STXBP5L: variants seen among roughly 807,000 people sequenced by gnomAD.
The protein encoded by STXBP5L is syntaxin binding protein 5L.
A neutral mutation model predicts 144.5 loss-of-function variants in STXBP5L; 65 were observed. The observed-to-expected ratio is 0.45, with a 90% CI of 0.37 to 0.55. The LOEUF is 0.55. STXBP5L is among the 20% of genes least tolerant of loss of function. The probability of loss-of-function intolerance (pLI) is 0.00; values close to 1 mark genes in which losing one functional copy is unlikely to be tolerated. For synonymous variants in STXBP5L, 505 were observed against 469.6 expected (o/e 1.08, Z -0.97); for missense variants, 1,298 against 1,405.5 (o/e 0.92, Z 1.22).
At chr3:121,099,467 G>C (rs1421852807) in intron 5 of STXBP5L, 1 of 152,252 alleles carries the variant, frequency 6.6e-6, no homozygotes, top group Non-Finnish European at 1.5e-5. Flanking sequence ...GTGATTGTAA[G>C]AATTGTAGAG....
At chr3:120,972,491 G>A (rs1000573801) in intron 3 of STXBP5L, among the ~76,000 whole-genome samples, 4 of 151,988 alleles carry the variant, frequency 2.6e-5, no homozygotes, top group Non-Finnish European at 4.4e-5. Flanking sequence ...GGGTTTTGTA[G>A]ATATAAGAAT....
rs769056263 is a variant in STXBP5L, at chr3:121,045,521, A to G, written c.456A>G (p.Lys152=). 4.3e-6 allele frequency: 7 copies of G among 1,612,124 alleles called. No homozygotes were observed. The highest frequency in any genetic ancestry group is 5.1e-6 in the Non-Finnish European group (6 of 1,179,072). ...QKRPAILHSL[K]FNRERITYCH... is the part of the protein sequence containing the mutation. ...GGCCAGCCATACTCCATTCTCTTAA[A>G]TTTAACCGGGAACGGTAAGAACCTA... The change falls in exon 5 of 27, where the codon AAA becomes AAG. Residue 152 remains lysine (K), a synonymous_variant. Transcript: ENST00000471454.
At chr3:121,087,003 CT>C (rs1317391670) in intron 5 of STXBP5L, among the ~76,000 whole-genome samples, 2 of 151,890 alleles carry the variant, frequency 1.3e-5, no homozygotes, top group African/African-American at 2.4e-5. Flanking sequence ...TTGTATCTTT[CT>C]TTTACTGATT....
At chr3:121,105,559 C>T (rs958705073) in intron 5 of STXBP5L, among the ~76,000 whole-genome samples, 3 of 151,940 alleles carry the variant, frequency 2.0e-5, no homozygotes, top group Non-Finnish European at 4.4e-5. Context: ...AAAGAATAGG[C>T]GTTGGCGTGG....
chr3:121,407,695 AAG>A (rs2047026271), intron 23 of STXBP5L, 92 bp downstream of exon 23: 1 of 1,486,696 alleles, frequency 6.7e-7, no homozygotes, highest in South Asian at 1.3e-5. Flanking sequence ...AGATGTTATC[AAG>A]AAGCAAACTG....
rs930750266 is a variant in STXBP5L, at chr3:121,180,177, G to C, written c.877+22550G>C. Among the ~76,000 whole-genome samples, 5 of 152,280 alleles carry C rather than the reference G, an allele frequency of 3.3e-5. No homozygotes were observed. The South Asian group carries it at 8.3e-4, about 25-fold the overall frequency. On this transcript the variant is annotated intron_variant, in intron 9 of 26. Transcript: ENST00000471454. ...CAAGATGAAGGAAAGAATCTTGAGA[G>C]CTGTGAGACAAAAGTATCAGGTAAC...
At chr3:121,005,351 A>T (rs192670884) in intron 3 of STXBP5L, among the ~76,000 whole-genome samples, 6 of 152,304 alleles carry the variant, frequency 3.9e-5, no homozygotes, top group Non-Finnish European at 7.3e-5. Context: ...TGGTGTTTAT[A>T]GTATTCTCTG....
chr3:121,227,151 T>C (rs2049147011), intron 11 of STXBP5L, among the ~76,000 whole-genome samples: 2 of 152,200 alleles, frequency 1.3e-5, no homozygotes, highest in Non-Finnish European at 2.9e-5. Flanking sequence ...TCCACCTTTG[T>C]TCAATAGAGG....
At chr3:120,939,593 AAGTGTGT>A (rs1212062194) in intron 2 of STXBP5L, among the ~76,000 whole-genome samples, 2 of 152,178 alleles carry the variant, frequency 1.3e-5, no homozygotes, top group African/African-American at 2.4e-5. Context: ...TTTGAAATGC[AAGTGTGT>A]AGCTCATGAG....
chr3:121,407,242 G>A lies in STXBP5L; in HGVS notation c.2588-1G>A. On this transcript the variant is annotated splice_acceptor_variant, in intron 22 of 26. Coordinates refer to ENST00000471454, the MANE Select transcript of STXBP5L (RefSeq NM_001308330.2). LOFTEE classifies it high-confidence loss of function. ...TCAGTGATGTCCAATTGTTTTTATA[G>A]GTACATTCCTCTCATTGAAAGGAGC... The A allele has an allele frequency of 6.5e-7, 1 of 1,544,410 alleles. No homozygotes were observed. The highest frequency in any genetic ancestry group is 8.7e-7 in the Non-Finnish European group (1 of 1,149,326).
chr3:121,119,133 A>G (rs1011175632), intron 6 of STXBP5L, among the ~76,000 whole-genome samples: 1 of 151,498 alleles, frequency 6.6e-6, no homozygotes, highest in Admixed American at 6.6e-5. Context: ...GAGCATTTAA[A>G]TATGCTCTGA....
At chr3:121,214,382 T>A (rs1304467235) in intron 10 of STXBP5L, among the ~76,000 whole-genome samples, 1 of 152,202 alleles carries the variant, frequency 6.6e-6, no homozygotes, top group Non-Finnish European at 1.5e-5. Flanking sequence ...GATTTAGCTG[T>A]GTCCCAGAGA....
At chr3:120,970,369 T>C (rs544730102) in intron 3 of STXBP5L, among the ~76,000 whole-genome samples, 1 of 152,256 alleles carries the variant, frequency 6.6e-6, no homozygotes, top group Admixed American at 6.5e-5. Flanking sequence ...GTAAGACAGG[T>C]CACATTTTGA....
chr3:121,185,458 T>C (rs185973460), intron 9 of STXBP5L, among the ~76,000 whole-genome samples: 1,565 of 152,346 alleles, frequency 0.01, 11 homozygotes, highest in Middle Eastern at 0.017. Context: ...TTAATCCATC[T>C]TGAATTAATT....
chr3:121,332,230 T>C (rs1233208274), intron 20 of STXBP5L, among the ~76,000 whole-genome samples: 1 of 151,830 alleles, frequency 6.6e-6, no homozygotes, highest in Non-Finnish European at 1.5e-5. Context: ...TACTAGGTCT[T>C]CCACAATGGA....
At chr3:121,011,634 C>G (rs1348419605) in intron 3 of STXBP5L, among the ~76,000 whole-genome samples, 4 of 151,406 alleles carry the variant, frequency 2.6e-5, no homozygotes, top group Non-Finnish European at 5.9e-5. Flanking sequence ...CCAAAATGAA[C>G]AGATGTTACT....
chr3:121,326,822 G>C (rs577045687), intron 20 of STXBP5L, among the ~76,000 whole-genome samples: 3 of 152,070 alleles, frequency 2.0e-5, no homozygotes, highest in Non-Finnish European at 4.4e-5. Context: ...GACTCAGCTT[G>C]GTCCCTTTGA....
At chr3:121,019,677 A>G (rs1945404647) in intron 3 of STXBP5L, among the ~76,000 whole-genome samples, 1 of 152,156 alleles carries the variant, frequency 6.6e-6, no homozygotes, top group Admixed American at 6.5e-5. Flanking sequence ...GAGAAATAAC[A>G]ATCGCACAGT....
chr3:121,047,733 T>C (rs1947622060), intron 5 of STXBP5L, among the ~76,000 whole-genome samples: 1 of 152,150 alleles, frequency 6.6e-6, no homozygotes, highest in African/African-American at 2.4e-5. Context: ...TTTGAGCCTA[T>C]GGGTGTCATT....
Sources: gnomAD v4.1 joint callset for allele counts (sites outside exome capture counted in the v4.1 genomes callset) on GRCh38, gnomAD v4.1.1 for gene constraint, MANE v1.5 for transcripts, NCBI Gene and HGNC (gene_info 2026-07-23, HGNC 2026-07-21) for gene names.